ST7: variants seen among roughly 807,000 people sequenced by gnomAD.
ST7 encodes the protein suppressor of tumorigenicity 7 protein.
ST7 carries 28 observed loss-of-function variants against 78.7 expected under a neutral mutation model. The ratio of observed to expected loss-of-function variants is 0.36; its 90% CI spans 0.26 to 0.49. The LOEUF is 0.49. Ranked by LOEUF, ST7 falls within the 20% of genes least tolerant of loss-of-function variation. The pLI is 0.99. For synonymous variants in ST7, 247 were observed against 249.6 expected (o/e 0.99, Z 0.10); for missense variants, 418 against 696.0 (o/e 0.60, Z 4.49).
At chr7:116,968,663 G>T in intron 1 of ST7, 1 of 178,334 alleles carries the variant, frequency 5.6e-6, no homozygotes, top group Non-Finnish European at 1.2e-5. Flanking sequence ...GAGATATTGA[G>T]CACTCAGGGA....
chr7:117,207,168 G>A (rs1174045095), intron 12 of ST7, among the ~76,000 whole-genome samples: 16 of 150,330 alleles, frequency 1.1e-4, no homozygotes, highest in African/African-American at 2.5e-4. Context: ...TTTTTTAGGC[G>A]GAGTCTTGCT....
chr7:117,071,010 G>A (rs977461558), intron 1 of ST7, among the ~76,000 whole-genome samples: 1 of 152,002 alleles, frequency 6.6e-6, no homozygotes, highest in African/African-American at 2.4e-5. Flanking sequence ...ATGAGGTCAG[G>A]AGATCGAGAC....
intron 2 of ST7, among the ~76,000 whole-genome samples, chr7:117,106,655 C>G (rs1453928047): frequency 8.2e-6 from 1 of 121,684 alleles, no homozygotes; most frequent in Non-Finnish European, 1.6e-5. Flanking sequence ...GAGTCTTGCT[C>G]TGTTGCCCAG....
rs577102953 is a variant in ST7, at chr7:117,119,119, C to T, written c.235-442C>T. Reference sequence around the variant, plus strand: ...ACTCCTTCCTGCCCCGCCCCTACCCCGATTTTGCTCTTAAGCATTTTACAG... The same window carrying T: ...ACTCCTTCCTGCCCCGCCCCTACCCTGATTTTGCTCTTAAGCATTTTACAG... On this transcript the variant is annotated intron_variant, in intron 2 of 15. Transcript: ENST00000323984. Among the ~76,000 whole-genome samples the T allele has an allele frequency of 9.9e-5, 15 of 152,206 alleles. No homozygotes were observed. In the East Asian group the frequency reaches 2.3e-3, roughly 23 times the overall value.
chr7:116,972,581 G>T, intron 1 of ST7: 1 of 1,409,200 alleles, frequency 7.1e-7, no homozygotes, highest in Non-Finnish European at 9.9e-7. Flanking sequence ...TCTTTGAGTT[G>T]AATTTCCTGG....
chr7:116,953,767 G>C, intron 1 of ST7, 76 bp downstream of exon 1: 1 of 1,074,834 alleles, frequency 9.3e-7, no homozygotes, highest in Non-Finnish European at 1.2e-6. Context: ...GCGCGGGGCC[G>C]CGGCCAGGCG....
At chr7:117,087,425 A>G (rs377717956) in intron 1 of ST7, among the ~76,000 whole-genome samples, 3 of 152,352 alleles carry the variant, frequency 2.0e-5, no homozygotes, top group East Asian at 3.9e-4. Flanking sequence ...TCTTAAAGGC[A>G]TATATAAAAA....
chr7:117,130,280 CAAA>C (rs1044672034), intron 4 of ST7, among the ~76,000 whole-genome samples: 1 of 151,714 alleles, frequency 6.6e-6, no homozygotes, highest in African/African-American at 2.4e-5. Flanking sequence ...AATTTTAAGA[CAAA>C]AACACAGGAG....
chr7:116,964,026 G>A (rs746078407), intron 1 of ST7, among the ~76,000 whole-genome samples: 4 of 152,096 alleles, frequency 2.6e-5, no homozygotes, highest in Admixed American at 1.3e-4. Flanking sequence ...AGGTCAGTGA[G>A]GAAGGACTAT....
At chr7:117,111,311 A>G (rs574839967) in intron 2 of ST7, among the ~76,000 whole-genome samples, 42 of 152,326 alleles carry the variant, frequency 2.8e-4, no homozygotes, top group Middle Eastern at 3.4e-3. Flanking sequence ...GCAATGTCCT[A>G]GGAGCCTGCC....
chr7:117,206,905 A>G (rs1399232036), intron 12 of ST7, among the ~76,000 whole-genome samples: 3 of 152,210 alleles, frequency 2.0e-5, no homozygotes, highest in Non-Finnish European at 4.4e-5. Context: ...TGCATTGTCC[A>G]ATACAGTAGT....
intron 1 of ST7, among the ~76,000 whole-genome samples, chr7:116,976,656 G>A (rs1231980313): frequency 1.3e-5 from 2 of 152,302 alleles, no homozygotes; most frequent in Middle Eastern, 3.4e-3. Context: ...CCGTGAGGTA[G>A]GGCTATATAT....
chr7:117,225,039 G>A (rs1793351654), intron 15 of ST7, among the ~76,000 whole-genome samples: 1 of 152,204 alleles, frequency 6.6e-6, no homozygotes, highest in South Asian at 2.1e-4. Context: ...TGATGCGGAT[G>A]TACAACCAGT....
chr7:117,149,317 G>A (rs901372307), intron 9 of ST7, among the ~76,000 whole-genome samples: 6 of 152,080 alleles, frequency 3.9e-5, no homozygotes, highest in East Asian at 1.9e-4. Flanking sequence ...AGTTACCACC[G>A]ACCTTCCTAC....
chr7:116,991,430 G>A (rs928121450), intron 1 of ST7, among the ~76,000 whole-genome samples: 9 of 152,138 alleles, frequency 5.9e-5, no homozygotes, highest in African/African-American at 1.9e-4. Flanking sequence ...GAGGCAAAAG[G>A]CACTTCTTAC....
At chr7:117,099,433 G>A (rs570882202) in intron 1 of ST7, among the ~76,000 whole-genome samples, 3 of 152,216 alleles carry the variant, frequency 2.0e-5, no homozygotes, top group African/African-American at 7.2e-5. Flanking sequence ...TTCTCTTTTT[G>A]GCTAACAGTT....
At chr7:117,141,982 G>T (rs895487221) in intron 9 of ST7, among the ~76,000 whole-genome samples, 2 of 152,084 alleles carry the variant, frequency 1.3e-5, no homozygotes, top group African/African-American at 4.8e-5. Flanking sequence ...TCACTGTAAT[G>T]TAAGGTGTTA....
chr7:117,137,506 CT>C (rs1359419226), intron 8 of ST7, among the ~76,000 whole-genome samples: 1 of 152,066 alleles, frequency 6.6e-6, no homozygotes, highest in South Asian at 2.1e-4. Context: ...TAAATTAAAT[CT>C]TTTCAACCTG....
intron 1 of ST7, among the ~76,000 whole-genome samples, chr7:117,000,238 A>G (rs1471729140): frequency 6.6e-6 from 1 of 152,212 alleles, no homozygotes; most frequent in East Asian, 1.9e-4. Context: ...AATGGCAATG[A>G]GTTGGTGGCA....
Sources: allele counts gnomAD v4.1 joint callset (sites outside exome capture counted in the v4.1 genomes callset), GRCh38; gene constraint gnomAD v4.1.1; transcripts MANE v1.5; gene names NCBI Gene and HGNC (gene_info 2026-07-23, HGNC 2026-07-21).